SPAG17: variants seen among roughly 807,000 people sequenced by gnomAD.
SPAG17 encodes the protein sperm-associated antigen 17.
In SPAG17, 169 loss-of-function variants were observed where a neutral mutation model predicts 273.6. The observed-to-expected ratio is 0.62, with a 90% CI of 0.55 to 0.70. The LOEUF (loss-of-function observed/expected upper bound fraction) is 0.70, where lower values mean the gene tolerates loss of function less well. Ranked by LOEUF, SPAG17 falls within the 30% of genes least tolerant of loss-of-function variation. The pLI, the probability that SPAG17 is intolerant of heterozygous loss-of-function variation, is 0.00. For missense variants in SPAG17, 2,557 were observed against 2,627.8 expected (o/e 0.97, Z 0.59); for synonymous variants, 825 against 873.2 (o/e 0.94, Z 0.97).
intron 32 of SPAG17, among the ~76,000 whole-genome samples, chr1:117,998,928 C>A (rs1657960781): frequency 1.3e-5 from 2 of 152,108 alleles, no homozygotes; most frequent in Admixed American, 1.3e-4. Flanking sequence ...GTTTGCTGCA[C>A]CCATCAACCT....
chr1:118,032,380 C>T (rs1031229972), intron 24 of SPAG17, among the ~76,000 whole-genome samples: 4 of 151,952 alleles, frequency 2.6e-5, no homozygotes, highest in African/African-American at 9.7e-5. Context: ...GATACACTTG[C>T]TGGGTTTTAA....
At chr1:117,995,986 T>C (rs1023475891) in intron 34 of SPAG17, among the ~76,000 whole-genome samples, 1 of 152,078 alleles carries the variant, frequency 6.6e-6, no homozygotes, top group South Asian at 2.1e-4. Context: ...AAGCAATATC[T>C]TCAAAATGAC....
At chr1:118,027,267 T>G (rs2101861088) in intron 26 of SPAG17, among the ~76,000 whole-genome samples, 1 of 152,342 alleles carries the variant, frequency 6.6e-6, no homozygotes, top group Non-Finnish European at 1.5e-5. Context: ...GGGCTATTTT[T>G]AATAATTCAG....
chr1:118,083,653 C>T (rs770969790), intron 13 of SPAG17, among the ~76,000 whole-genome samples: 3 of 152,030 alleles, frequency 2.0e-5, no homozygotes, highest in East Asian at 1.9e-4. Context: ...CGCATGATGG[C>T]GTGCGCCTGT....
In SPAG17 at chr1:117,975,055, G is replaced by A. The variant is rs543991123; in HGVS notation, c.6005-1494C>T. 2.6e-5 allele frequency among the ~76,000 whole-genome samples: 4 copies of A among 152,250 alleles called. No homozygotes were observed. The East Asian group carries it at 5.8e-4, about 22-fold the overall frequency. On this transcript the variant is annotated intron_variant, in intron 43 of 48. Transcript: ENST00000336338. ...CTTCCCTGGATATTTCCACTGAAGC[G>A]GACAGCGATAACCCCATCTTGCATA...
In SPAG17 at chr1:117,967,961, GT is replaced by G. The variant is rs1238018124; in HGVS notation, c.6388-1209del. 2.0e-5 allele frequency among the ~76,000 whole-genome samples: 3 copies of G among 152,316 alleles called. No homozygotes were observed. The East Asian group carries it at 5.8e-4, about 29-fold the overall frequency. On this transcript the variant is annotated intron_variant, in intron 46 of 48. Transcript: ENST00000336338. ...TAGTAGAATTGGAAAATGTTTCACA[GT>G]TTTTTCAACAATGTACTTGTGAGCA...
chr1:118,100,237 T>C (rs1655976880), intron 5 of SPAG17, among the ~76,000 whole-genome samples: 1 of 152,218 alleles, frequency 6.6e-6, no homozygotes, highest in Non-Finnish European at 1.5e-5. Context: ...ATAATGAATA[T>C]GGACATGCTC....
chr1:118,168,786 T>C (rs1232933091), intron 1 of SPAG17, among the ~76,000 whole-genome samples: 2 of 152,124 alleles, frequency 1.3e-5, no homozygotes, highest in Non-Finnish European at 2.9e-5. Flanking sequence ...CCTAATGGTG[T>C]GAACTGAATT....
intron 3 of SPAG17, among the ~76,000 whole-genome samples, chr1:118,135,448 A>C (rs1411438954): frequency 6.7e-6 from 1 of 148,346 alleles, no homozygotes; most frequent in African/African-American, 2.5e-5. Context: ...GGTGTGTTCA[A>C]TTATGGAGCA....
At chr1:117,985,359 C>G (rs975737790) in intron 40 of SPAG17, among the ~76,000 whole-genome samples, 1 of 152,128 alleles carries the variant, frequency 6.6e-6, no homozygotes, top group South Asian at 2.1e-4. Context: ...GGGTAAGAGT[C>G]CAGGAGCTTT....
At chr1:118,139,140 G>T (rs900508109) in intron 3 of SPAG17, among the ~76,000 whole-genome samples, 10 of 151,916 alleles carry the variant, frequency 6.6e-5, no homozygotes, top group Admixed American at 3.3e-4. Context: ...TAAAAAAAAT[G>T]GGCAAGAGAC....
chr1:118,104,615 G>C (rs1656275078), intron 4 of SPAG17, among the ~76,000 whole-genome samples: 1 of 152,134 alleles, frequency 6.6e-6, no homozygotes, highest in African/African-American at 2.4e-5. Flanking sequence ...CTTACCAATG[G>C]GTATAGGGAG....
chr1:118,061,152 C>CA (rs1244657155), intron 18 of SPAG17, among the ~76,000 whole-genome samples: 10 of 152,032 alleles, frequency 6.6e-5, no homozygotes, highest in African/African-American at 2.4e-4. Flanking sequence ...AGAAGTTTCT[C>CA]AAAAATTAGA....
At chr1:118,094,149 G>A (rs1476587319) in intron 7 of SPAG17, among the ~76,000 whole-genome samples, 1 of 152,186 alleles carries the variant, frequency 6.6e-6, no homozygotes. Flanking sequence ...CTGGTTGCTG[G>A]CTGGCTTCCC....
intron 32 of SPAG17, among the ~76,000 whole-genome samples, chr1:118,003,478 T>G (rs1046518613): frequency 1.3e-5 from 2 of 152,236 alleles, no homozygotes; most frequent in African/African-American, 4.8e-5. Context: ...ATAGATTTCA[T>G]CTTTTCACAT....
At chr1:118,132,012 A>G (rs544248964) in intron 3 of SPAG17, among the ~76,000 whole-genome samples, 31 of 152,372 alleles carry the variant, frequency 2.0e-4, no homozygotes, top group East Asian at 9.6e-4. Context: ...GGCCCTGCCC[A>G]TAGTGAGCTT....
chr1:118,155,393 T>C (rs1471905435), intron 1 of SPAG17, among the ~76,000 whole-genome samples: 2 of 152,218 alleles, frequency 1.3e-5, no homozygotes, highest in Non-Finnish European at 1.5e-5. Context: ...TCTTAAACAA[T>C]TGCAAAAGCC....
rs1649474189 is a variant in SPAG17, at chr1:118,039,426, A to T, written c.3185T>A (p.Val1062Glu). The T allele has an allele frequency of 6.2e-7, 1 of 1,613,200 alleles. No homozygotes were observed. The highest frequency in any genetic ancestry group is 8.5e-7 in the Non-Finnish European group (1 of 1,179,526). ...MFEKGPTFIK[V>E]RVVKDNHNFM... ...ATTGTGGTTGTCCTTTACCACTCTC[A>T]CTTTGATAAAAGTTGGGCCTGAGGA... Residue 1062 changes from valine to glutamate, a missense_variant, in exon 23 of 49, where the codon GTG becomes GAG. Transcript: ENST00000336338.
At chr1:118,122,664 T>C (rs1201843592) in intron 3 of SPAG17, among the ~76,000 whole-genome samples, 2 of 152,178 alleles carry the variant, frequency 1.3e-5, no homozygotes, top group African/African-American at 4.8e-5. Flanking sequence ...TTGTCCCAAC[T>C]GAGAACAGAA....
Sources: allele counts gnomAD v4.1 joint callset (sites outside exome capture counted in the v4.1 genomes callset), GRCh38; gene constraint gnomAD v4.1.1; transcripts MANE v1.5; gene names NCBI Gene and HGNC (gene_info 2026-07-23, HGNC 2026-07-21).